Variants in C9orf43 observed in about 807,000 individuals in gnomAD.
C9orf43 encodes the protein chromosome 9 open reading frame 43, also known as uncharacterized protein C9orf43.
In C9orf43, 45 loss-of-function variants were observed where a neutral mutation model predicts 59.1. The ratio of observed to expected loss-of-function variants is 0.76; its 90% CI spans 0.60 to 0.98. The LOEUF is 0.98. C9orf43 is among the 50% of genes least tolerant of loss of function. The pLI, the probability that C9orf43 is intolerant of heterozygous loss-of-function variation, is 0.00. For missense variants in C9orf43, 533 were observed against 554.9 expected (o/e 0.96, Z 0.40); for synonymous variants, 203 against 196.8 (o/e 1.03, Z -0.26).
chr9:113,420,951 G>GT (rs1270199623), intron 4 of C9orf43, 152 bp from the exon 5 acceptor site: 143 of 830,624 alleles, frequency 1.7e-4, no homozygotes, highest in Middle Eastern at 3.5e-4. Flanking sequence ...GGAGTAGTCT[G>GT]TTTTTTTTGG....
Position 113,413,548 on chromosome 9 carries a change from T to G in C9orf43, c.55T>G (p.Cys19Gly). The G allele has an allele frequency of 6.2e-7, 1 of 1,614,208 alleles. No homozygotes were observed. The highest frequency in any genetic ancestry group is 1.1e-5 in the South Asian group (1 of 91,088). ...WDETTCGLAV[C>G]QHPQCWATIR... ...CGAAACCACCTGTGGCTTGGCTGTT[T>G]GTCAGCACCCACAATGCTGGGCAAC... The change falls in exon 2 of 14, where the codon TGT becomes GGT. Residue 19 changes from cysteine to glycine, a missense_variant. Cys to Gly is a radical substitution (Grantham distance 159, BLOSUM62 -3). Coordinates refer to ENST00000374165, the MANE Select transcript of C9orf43 (RefSeq NM_001278629.2).
chr9:113,425,754 G>T, intron 11 of C9orf43, 24 bp downstream of exon 11: 1 of 1,574,944 alleles, frequency 6.3e-7, no homozygotes, highest in South Asian at 1.1e-5. Context: ...ATGCTTGGTT[G>T]GGGGTGATAG....
At chr9:113,426,249 C>G (rs971179422) in intron 11 of C9orf43, among the ~76,000 whole-genome samples, 1 of 152,144 alleles carries the variant, frequency 6.6e-6, no homozygotes, top group Admixed American at 6.5e-5. Context: ...AGTCAGGGAG[C>G]CAACTCTTGT....
At chr9:113,418,702 T>A (rs1288565123) in intron 3 of C9orf43, among the ~76,000 whole-genome samples, 1 of 152,210 alleles carries the variant, frequency 6.6e-6, no homozygotes, top group East Asian at 1.9e-4. Context: ...GATAAAGGAC[T>A]ACTGTATCAG....
chr9:113,423,261 G>A (rs1828653664), intron 6 of C9orf43, 65 bp from the exon 7 acceptor site: 1 of 1,524,284 alleles, frequency 6.6e-7, no homozygotes, highest in Admixed American at 1.8e-5. Context: ...AGGCTAGAAT[G>A]TTGATGGAAA....
intron 12 of C9orf43, 26 bp downstream of exon 12, chr9:113,428,249 A>G (rs1156388560): frequency 8.7e-6 from 14 of 1,603,756 alleles, no homozygotes; most frequent in African/African-American, 1.3e-5. Flanking sequence ...GGCCTCTGCT[A>G]GGACCCAGTT....
chr9:113,427,830 C>T (rs1432334439), intron 11 of C9orf43, among the ~76,000 whole-genome samples: 1 of 152,146 alleles, frequency 6.6e-6, no homozygotes, highest in African/African-American at 2.4e-5. Flanking sequence ...AGGGATGGCG[C>T]AAGAAGATGA....
At chr9:113,416,803 T>C (rs1315022410) in intron 3 of C9orf43, among the ~76,000 whole-genome samples, 1 of 152,192 alleles carries the variant, frequency 6.6e-6, no homozygotes, top group East Asian at 1.9e-4. Context: ...ACCCATTGAA[T>C]ACTAATAGTA....
intron 10 of C9orf43, 39 bp downstream of exon 10, chr9:113,425,459 G>A (rs755845227): frequency 1.9e-6 from 3 of 1,591,902 alleles, no homozygotes; most frequent in Non-Finnish European, 2.6e-6. Context: ...ACTGGGAGAG[G>A]TCTACAGCCT....
chr9:113,419,049 C>A (rs1414737848), intron 3 of C9orf43, 59 bp from the exon 4 acceptor site: 15 of 1,380,276 alleles, frequency 1.1e-5, no homozygotes, highest in Non-Finnish European at 1.0e-5. Context: ...ATAGCACTAA[C>A]GTTATCATTC....
intron 1 of C9orf43, among the ~76,000 whole-genome samples, chr9:113,412,029 C>T (rs1384490768): frequency 1.3e-5 from 2 of 152,072 alleles, no homozygotes; most frequent in Non-Finnish European, 2.9e-5. Flanking sequence ...AGTCCCAAGT[C>T]GCCCTGTAGT....
intron 11 of C9orf43, among the ~76,000 whole-genome samples, chr9:113,426,135 T>G (rs1403387265): frequency 6.6e-6 from 1 of 151,318 alleles, no homozygotes; most frequent in Non-Finnish European, 1.5e-5. Flanking sequence ...CCCAAAAGAG[T>G]TCTAAGGAAG....
intron 3 of C9orf43, among the ~76,000 whole-genome samples, chr9:113,418,092 T>C (rs1320020592): frequency 6.6e-6 from 1 of 152,240 alleles, no homozygotes; most frequent in African/African-American, 2.4e-5. Context: ...TTGACCATTT[T>C]AGCCATTTTT....
intron 1 of C9orf43, among the ~76,000 whole-genome samples, chr9:113,411,973 C>T (rs946195688): frequency 6.6e-6 from 1 of 152,226 alleles, no homozygotes; most frequent in Admixed American, 6.5e-5. Context: ...CGGCGCCCAG[C>T]CTCCCACTGA....
In C9orf43 at chr9:113,424,190, C is replaced by T; in HGVS notation, c.681C>T (p.Thr227=). The change falls in exon 8 of 14, where the codon ACC becomes ACT. Residue 227 remains threonine (T), a synonymous_variant. Coordinates refer to ENST00000374165, the MANE Select transcript of C9orf43 (RefSeq NM_001278629.2). Reference sequence around the variant, plus strand: ...GACTTTTGCCAGGTGGAAAGCAAACCATGCTCTGTCCAGAGATGAAGATAA... The same window carrying T: ...GACTTTTGCCAGGTGGAAAGCAAACTATGCTCTGTCCAGAGATGAAGATAA... The part of the protein sequence containing the change: ...LKELLPGGKQ[T]MLCPEMKIKL... 6.2e-7 allele frequency: 1 copy of T among 1,611,668 alleles called. No homozygotes were observed. The highest frequency in any genetic ancestry group is 8.5e-7 in the Non-Finnish European group (1 of 1,178,976).
chr9:113,424,615 C>T (rs1828715952), intron 8 of C9orf43, among the ~76,000 whole-genome samples: 1 of 151,718 alleles, frequency 6.6e-6, no homozygotes, highest in Non-Finnish European at 1.5e-5. Flanking sequence ...CAGCCTTGAC[C>T]TGCTGGGATG....
intron 10 of C9orf43, 21 bp from the exon 11 acceptor site, chr9:113,425,622 T>A: frequency 6.2e-7 from 1 of 1,601,724 alleles, no homozygotes; most frequent in Non-Finnish European, 8.5e-7. Flanking sequence ...CCTAATTTGT[T>A]CCTCCTGATG....
chr9:113,423,362 T>C lies in C9orf43; in HGVS notation c.520T>C (p.Ser174Pro). The C allele has an allele frequency of 6.2e-7, 1 of 1,614,028 alleles. No homozygotes were observed. Among genetic ancestry groups the C allele is most frequent in the Non-Finnish European group, 8.5e-7 (1 of 1,179,950 alleles). The change falls in exon 7 of 14, where the codon TCC becomes CCC. Residue 174 changes from serine to proline, a missense_variant. Coordinates refer to ENST00000374165, the MANE Select transcript of C9orf43 (RefSeq NM_001278629.2). Reference protein sequence around the residue: ...KSFLGLSGNQSAGTRVGTPGM... With the variant: ...KSFLGLSGNQPAGTRVGTPGM... Reference sequence around the variant, plus strand: ...ATTTCTGGGTCTCTCTGGAAATCAGTCCGCAGGAACACGAGTAGGAACACC... The same window carrying C: ...ATTTCTGGGTCTCTCTGGAAATCAGCCCGCAGGAACACGAGTAGGAACACC...
chr9:113,424,834 T>C (rs1828722031), intron 8 of C9orf43, among the ~76,000 whole-genome samples, 185 bp from the exon 9 acceptor site: 1 of 152,156 alleles, frequency 6.6e-6, no homozygotes, highest in Non-Finnish European at 1.5e-5. Context: ...CCATGTTCTC[T>C]ATTTCTTCTG....
Sources: gnomAD v4.1 joint callset for allele counts (sites outside exome capture counted in the v4.1 genomes callset) on GRCh38, gnomAD v4.1.1 for gene constraint, MANE v1.5 for transcripts, NCBI Gene and HGNC (gene_info 2026-07-23, HGNC 2026-07-21) for gene names.